Variants in KALRN observed in about 807,000 individuals in gnomAD.
The protein encoded by KALRN is kalirin.
Under a neutral mutation model 353.7 loss-of-function variants are expected in KALRN, and 70 were observed. That is an observed-to-expected ratio of 0.20 (90% CI 0.16 to 0.24). The LOEUF (loss-of-function observed/expected upper bound fraction) is 0.24. Ranked by LOEUF, KALRN falls within the 10% of genes least tolerant of loss-of-function variation. The pLI is 1.00. For synonymous variants in KALRN, 1,391 were observed against 1,434.8 expected, an observed-to-expected ratio of 0.97 and a Z score of 0.69; for missense variants, 2,791 against 3,756.7, an observed-to-expected ratio of 0.74 and a Z score of 6.72.
Position 124,338,068 on chromosome 3 carries a change from T to A in KALRN, c.1647+3573T>A, listed in dbSNP as rs138923032. On this transcript the variant is annotated intron_variant, in intron 9 of 59. Transcript: ENST00000682506. ...CTGGCTAGTGATCTATCTATTTTGTTAATCTTTTCGAAAATCAGCTCCTGG... is the reference window on the plus strand; with the variant it reads ...CTGGCTAGTGATCTATCTATTTTGTAAATCTTTTCGAAAATCAGCTCCTGG... 6.7e-3 allele frequency among the ~76,000 whole-genome samples: 1,028 copies of A among 152,334 alleles called. 6 individuals are homozygous for A. The highest frequency in any genetic ancestry group is 0.022 in the African/African-American group (905 of 41,576).
intron 1 of KALRN, among the ~76,000 whole-genome samples, chr3:124,198,108 A>G (rs1244459812): frequency 6.6e-6 from 1 of 152,228 alleles, no homozygotes; most frequent in Non-Finnish European, 1.5e-5. Flanking sequence ...TTTCTGATCG[A>G]GGAATTAAAA....
At chr3:124,587,613 G>A (rs1463847832) in intron 34 of KALRN, among the ~76,000 whole-genome samples, 1 of 151,342 alleles carries the variant, frequency 6.6e-6, no homozygotes, top group African/African-American at 2.4e-5. Flanking sequence ...GGAAAATATG[G>A]ATGAATTTCA....
At chr3:124,387,617 A>G (rs980871623) in intron 11 of KALRN, among the ~76,000 whole-genome samples, 8 of 152,160 alleles carry the variant, frequency 5.3e-5, no homozygotes, top group Non-Finnish European at 8.8e-5. Context: ...AGAGACTTGA[A>G]TGAATTTTTT....
chr3:124,458,294 A>AG (rs1342576349), intron 23 of KALRN, among the ~76,000 whole-genome samples: 1 of 146,108 alleles, frequency 6.8e-6, no homozygotes, highest in Non-Finnish European at 1.5e-5. Context: ...AAAAAAAAAA[A>AG]AAGAGAATGC....
chr3:124,472,137 C>T (rs1403361767), intron 25 of KALRN, among the ~76,000 whole-genome samples: 1 of 152,048 alleles, frequency 6.6e-6, no homozygotes, highest in African/African-American at 2.4e-5. Context: ...GGGTGTTGCT[C>T]TATTGAAATT....
intron 10 of KALRN, chr3:124,374,581 C>A (rs1318069004): frequency 6.6e-6 from 1 of 152,264 alleles, no homozygotes; most frequent in East Asian, 1.9e-4. Flanking sequence ...TCTGACCCAC[C>A]TTTCCACGTC....
intron 42 of KALRN, among the ~76,000 whole-genome samples, 171 bp from the exon 43 acceptor site, chr3:124,659,194 G>T (rs2084495643): frequency 6.6e-6 from 1 of 151,834 alleles, no homozygotes; most frequent in South Asian, 2.1e-4. Context: ...GTTATGTGTT[G>T]TTCATAACAA....
intron 6 of KALRN, among the ~76,000 whole-genome samples, chr3:124,310,122 A>G (rs2149295729): frequency 6.6e-6 from 1 of 152,296 alleles, no homozygotes; most frequent in South Asian, 2.1e-4. Flanking sequence ...TGCACTTAAA[A>G]TAAATAATTT....
chr3:124,293,642 C>A (rs550355143), intron 5 of KALRN, among the ~76,000 whole-genome samples: 67 of 151,970 alleles, frequency 4.4e-4, no homozygotes, highest in Non-Finnish European at 7.8e-4. Flanking sequence ...GAAAAAAAAA[C>A]CCCAAATGAC....
chr3:124,169,555 G>A (rs1346608541), intron 1 of KALRN, among the ~76,000 whole-genome samples: 1 of 152,136 alleles, frequency 6.6e-6, no homozygotes, highest in Non-Finnish European at 1.5e-5. Flanking sequence ...TTGACAGAGG[G>A]GCAGTGTGTG....
At chr3:124,156,170 A>G (rs1297133538) in intron 1 of KALRN, among the ~76,000 whole-genome samples, 3 of 152,216 alleles carry the variant, frequency 2.0e-5, no homozygotes, top group Non-Finnish European at 4.4e-5. Flanking sequence ...GACCTGGTCT[A>G]GGCACCTTTA....
chr3:124,400,594 A>C (rs1451910067), intron 13 of KALRN, among the ~76,000 whole-genome samples: 4 of 152,248 alleles, frequency 2.6e-5, no homozygotes, highest in Non-Finnish European at 4.4e-5. Flanking sequence ...GAAAATAAAA[A>C]TATTGACATG....
chr3:124,264,594 C>A lies in KALRN; in HGVS notation c.360C>A (p.Ala120=), dbSNP rs771177581. Residue 120 remains alanine, a synonymous_variant, in exon 4 of 60, where the codon GCC becomes GCA. Transcript: ENST00000682506. ...CCCTCCTCAAAACGCTGCAGGAAGC[C>A]TTTCCAGCTGAGATCCATGTGGCCC... ...IKPLLKTLQE[A]FPAEIHVALI... is the part of the protein sequence containing the mutation. The A allele has an allele frequency of 1.9e-6, 3 of 1,614,168 alleles. No individual in the cohort carries two copies. Among genetic ancestry groups the A allele is most frequent in the South Asian group, 1.1e-5 (1 of 91,080 alleles).
chr3:124,164,725 T>A (rs1030419514), intron 1 of KALRN: 2 of 152,238 alleles, frequency 1.3e-5, no homozygotes, highest in African/African-American at 2.4e-5. Context: ...ATCCCTTTCC[T>A]GTTTTATATT....
At chr3:124,687,412 C>G (rs554992058) in intron 51 of KALRN, among the ~76,000 whole-genome samples, 4 of 152,152 alleles carry the variant, frequency 2.6e-5, no homozygotes, top group African/African-American at 9.7e-5. Flanking sequence ...CAACGCACCC[C>G]CATTTTGGTC....
At chr3:124,655,080 T>C (rs1463904668) in intron 38 of KALRN, among the ~76,000 whole-genome samples, 1 of 152,220 alleles carries the variant, frequency 6.6e-6, no homozygotes, top group African/African-American at 2.4e-5. Context: ...TAATTGCAGC[T>C]TCCATATCTT....
Position 124,461,974 on chromosome 3 carries a change from C to A in KALRN, c.3921+18C>A. The A allele has an allele frequency of 6.3e-7, 1 of 1,576,130 alleles. No homozygotes were observed. Among genetic ancestry groups the A allele is most frequent in the Admixed American group, 1.7e-5 (1 of 59,734 alleles). ...GCTTAGAGGTGAGTCTTCCAGTAAT[C>A]CGTTCACAGCTATATTGGAAAAATG... On this transcript the variant is annotated intron_variant, in intron 24 of 59. Coordinates refer to ENST00000682506, the MANE Select transcript of KALRN (RefSeq NM_001388419.1).
At chr3:124,635,002 T>C (rs2081200881) in intron 36 of KALRN, among the ~76,000 whole-genome samples, 1 of 152,198 alleles carries the variant, frequency 6.6e-6, no homozygotes, top group South Asian at 2.1e-4. Flanking sequence ...TTAACTGAAG[T>C]CTTCCTCTGT....
chr3:124,068,760 A>G (rs751977285), intron 1 of KALRN, among the ~76,000 whole-genome samples: 3 of 152,194 alleles, frequency 2.0e-5, no homozygotes, highest in Non-Finnish European at 4.4e-5. Flanking sequence ...CACTGGGGAC[A>G]TATCAGTTTT....
Sources: gnomAD v4.1 joint callset for allele counts (sites outside exome capture counted in the v4.1 genomes callset) on GRCh38, gnomAD v4.1.1 for gene constraint, MANE v1.5 for transcripts, NCBI Gene and HGNC (gene_info 2026-07-23, HGNC 2026-07-21) for gene names.